Variants in SLC14A2 observed in about 807,000 individuals in gnomAD.
The protein encoded by SLC14A2 is urea transporter 2.
SLC14A2 carries 91 observed loss-of-function variants against 104.6 expected under a neutral mutation model. That is an observed-to-expected ratio of 0.87 (90% CI 0.73 to 1.04). SLC14A2 has a LOEUF of 1.04. Ranked by LOEUF, SLC14A2 falls within the 50% of genes least tolerant of loss-of-function variation. SLC14A2 has a pLI of 0.00. For synonymous variants in SLC14A2, 476 were observed against 466.4 expected, an observed-to-expected ratio of 1.02 and a Z score of -0.27; for missense variants, 1,189 against 1,156.0, an observed-to-expected ratio of 1.03 and a Z score of -0.41.
intron 1 of SLC14A2, among the ~76,000 whole-genome samples, chr18:45,301,014 T>C (rs561160417): frequency 1.3e-4 from 20 of 152,232 alleles, no homozygotes; most frequent in African/African-American, 4.8e-4. Flanking sequence ...ATGGGGAGGA[T>C]TTGGGGCCGA....
chr18:45,537,609 T>C (rs545340188), intron 2 of SLC14A2, among the ~76,000 whole-genome samples: 2 of 152,302 alleles, frequency 1.3e-5, no homozygotes, highest in South Asian at 4.2e-4. Context: ...GACCGTAGCC[T>C]TTTTTCTGTG....
At chr18:45,489,682 C>T (rs1034217689) in intron 2 of SLC14A2, among the ~76,000 whole-genome samples, 1 of 152,134 alleles carries the variant, frequency 6.6e-6, no homozygotes, top group Non-Finnish European at 1.5e-5. Flanking sequence ...AGCCCATCAA[C>T]ATAATAATTC....
chr18:45,637,792 C>A (rs2045446688), intron 6 of SLC14A2, among the ~76,000 whole-genome samples: 4 of 152,154 alleles, frequency 2.6e-5, no homozygotes, highest in Admixed American at 1.3e-4. Flanking sequence ...AAAGGCCTTC[C>A]TTTTCCTTTT....
At chr18:45,559,445 A>C (rs1179127585) in intron 2 of SLC14A2, among the ~76,000 whole-genome samples, 1 of 152,228 alleles carries the variant, frequency 6.6e-6, no homozygotes, top group Admixed American at 6.5e-5. Flanking sequence ...CTGCTCACTC[A>C]GCAGAAAGGA....
intron 2 of SLC14A2, among the ~76,000 whole-genome samples, chr18:45,533,566 G>C (rs909686968): frequency 6.6e-5 from 10 of 152,076 alleles, no homozygotes; most frequent in Admixed American, 5.9e-4. Flanking sequence ...ATTTTTTATT[G>C]CGTCTATTTG....
At chr18:45,266,040 T>A (rs1371609021) in intron 1 of SLC14A2, among the ~76,000 whole-genome samples, 1 of 152,094 alleles carries the variant, frequency 6.6e-6, no homozygotes, top group East Asian at 1.9e-4. Flanking sequence ...AAAAAACAGG[T>A]AAGGAGAATC....
intron 2 of SLC14A2, among the ~76,000 whole-genome samples, chr18:45,604,409 T>A (rs950353390): frequency 3.3e-5 from 5 of 151,660 alleles, no homozygotes; most frequent in African/African-American, 9.7e-5. Context: ...AATATCCAGA[T>A]CAAATGATTT....
chr18:45,635,601 G>A (rs1330413825), intron 5 of SLC14A2, among the ~76,000 whole-genome samples: 1 of 152,172 alleles, frequency 6.6e-6, no homozygotes, highest in Non-Finnish European at 1.5e-5. Flanking sequence ...TGACTGAAGT[G>A]GGTTTGGGAA....
chr18:45,283,636 G>A (rs1269887236), intron 1 of SLC14A2, among the ~76,000 whole-genome samples: 1 of 152,204 alleles, frequency 6.6e-6, no homozygotes, highest in Non-Finnish European at 1.5e-5. Flanking sequence ...GTTTTTCTCA[G>A]ACTTCTACAC....
intron 2 of SLC14A2, among the ~76,000 whole-genome samples, chr18:45,500,556 G>A (rs1413941308): frequency 2.4e-5 from 3 of 126,940 alleles, no homozygotes; most frequent in African/African-American, 9.0e-5. Context: ...CAGCCTGGGC[G>A]ACAGAGCGAG....
intron 2 of SLC14A2, among the ~76,000 whole-genome samples, chr18:45,537,998 CT>C (rs143642717): frequency 0.033 from 4,991 of 152,302 alleles, 104 homozygotes; most frequent in Middle Eastern, 0.058. Context: ...TACTCCCAGA[CT>C]TAGAAACCTA....
intron 1 of SLC14A2, among the ~76,000 whole-genome samples, chr18:45,422,396 G>C (rs895651138): frequency 6.6e-6 from 1 of 152,196 alleles, no homozygotes; most frequent in Non-Finnish European, 1.5e-5. Context: ...GCAAATTTGA[G>C]TCTAGGGAGT....
At chr18:45,191,779 T>A in the SLC14A2 span, among the ~76,000 whole-genome samples, 3 of 152,212 alleles carry the variant, frequency 2.0e-5, no homozygotes, top group South Asian at 4.2e-4. Context: ...ACCCACCCAC[T>A]GGGTAATTTA....
intron 1 of SLC14A2, among the ~76,000 whole-genome samples, chr18:45,471,734 T>C (rs2543007): frequency 0.22 from 33,503 of 152,042 alleles, 4,021 homozygotes; most frequent in Non-Finnish European, 0.27. Context: ...ATGACTCTTT[T>C]TTTCTCCTTT....
intron 2 of SLC14A2, among the ~76,000 whole-genome samples, chr18:45,578,027 T>A (rs2044438341): frequency 6.6e-6 from 1 of 152,178 alleles, no homozygotes; most frequent in South Asian, 2.1e-4. Flanking sequence ...CTAAAATTTC[T>A]TTAGCCCTGT....
chr18:45,642,226 T>C (rs1845001340), intron 8 of SLC14A2, among the ~76,000 whole-genome samples: 1 of 152,242 alleles, frequency 6.6e-6, no homozygotes, highest in African/African-American at 2.4e-5. Context: ...CTTTTGTTTT[T>C]TCCCACTTAT....
At chr18:45,461,160 G>T (rs977982552) in intron 1 of SLC14A2, among the ~76,000 whole-genome samples, 1 of 152,034 alleles carries the variant, frequency 6.6e-6, no homozygotes, top group Admixed American at 6.6e-5. Context: ...ATGTCCTTCA[G>T]TTTCTTACTT....
chr18:45,544,752 T>C (rs2043943708), intron 2 of SLC14A2, among the ~76,000 whole-genome samples: 1 of 151,036 alleles, frequency 6.6e-6, no homozygotes. Flanking sequence ...TAAATATGTA[T>C]TCATGTGATT....
At chr18:45,498,063 G>A (rs2043129923) in intron 2 of SLC14A2, among the ~76,000 whole-genome samples, 1 of 152,104 alleles carries the variant, frequency 6.6e-6, no homozygotes, top group Non-Finnish European at 1.5e-5. Flanking sequence ...GGAAGATTCT[G>A]TTCATGCCTT....
Sources: gnomAD v4.1 joint callset for allele counts (sites outside exome capture counted in the v4.1 genomes callset) on GRCh38, gnomAD v4.1.1 for gene constraint, MANE v1.5 for transcripts, NCBI Gene and HGNC (gene_info 2026-07-23, HGNC 2026-07-21) for gene names.